Variants in SLC24A2 observed in about 807,000 individuals in gnomAD.
SLC24A2 encodes the protein sodium/potassium/calcium exchanger 2.
Under a neutral mutation model 62.0 loss-of-function variants are expected in SLC24A2, and 36 were observed. The observed-to-expected ratio is 0.58, with a 90% CI of 0.44 to 0.77. The LOEUF is 0.77. Among genes scored for constraint, SLC24A2 ranks in the 30% least tolerant of loss-of-function variants. The probability of loss-of-function intolerance (pLI) is 0.00; values close to 1 mark genes in which losing one functional copy is unlikely to be tolerated. For missense variants in SLC24A2, 846 were observed against 817.9 expected (o/e 1.03, Z -0.42); for synonymous variants, 358 against 294.0 (o/e 1.22, Z -2.23).
chr9:19,805,442 A>G, the SLC24A2 span, among the ~76,000 whole-genome samples: 1 of 152,194 alleles, frequency 6.6e-6, no homozygotes, highest in African/African-American at 2.4e-5. Context: ...GCAGAGCAAC[A>G]TTACTTCACC....
At chr9:19,998,775 C>T in the SLC24A2 span, among the ~76,000 whole-genome samples, 94 of 152,292 alleles carry the variant, frequency 6.2e-4, 2 homozygotes, top group East Asian at 0.015. Context: ...CTTCTCCCAC[C>T]CCTGGGGGGA....
At chr9:20,163,927 A>C in the SLC24A2 span, among the ~76,000 whole-genome samples, 20 of 152,316 alleles carry the variant, frequency 1.3e-4, no homozygotes, top group East Asian at 3.9e-3. Flanking sequence ...CTGGCTAGCC[A>C]TATGGAGAAA....
chr9:19,523,287 C>A (rs921052076), intron 9 of SLC24A2, among the ~76,000 whole-genome samples: 1 of 152,172 alleles, frequency 6.6e-6, no homozygotes, highest in East Asian at 1.9e-4. Flanking sequence ...GGTACAAATC[C>A]TAGCTTGCCA....
the SLC24A2 span, among the ~76,000 whole-genome samples, chr9:20,198,649 G>T: frequency 1.3e-5 from 2 of 151,658 alleles, no homozygotes; most frequent in African/African-American, 4.8e-5. Flanking sequence ...GGGTCCCCTC[G>T]CATCTCTCTC....
chr9:20,146,400 G>A, the SLC24A2 span, among the ~76,000 whole-genome samples: 2 of 152,112 alleles, frequency 1.3e-5, no homozygotes, highest in South Asian at 2.1e-4. Flanking sequence ...TCTCTTAGGT[G>A]AGAATTTTAA....
chr9:19,547,317 T>A (rs988299565), intron 8 of SLC24A2, among the ~76,000 whole-genome samples: 1 of 152,176 alleles, frequency 6.6e-6, no homozygotes, highest in Non-Finnish European at 1.5e-5. Flanking sequence ...ACCCTGCCCA[T>A]TCTGCAGGTG....
the SLC24A2 span, among the ~76,000 whole-genome samples, chr9:20,185,531 T>A: frequency 1.3e-3 from 192 of 151,422 alleles, 1 homozygote; most frequent in Non-Finnish European, 1.2e-3. Context: ...TGGGCGTGGT[T>A]GTGGGCGCCT....
rs372186886 is a variant in SLC24A2 at position 19,704,353 on chromosome 9, A to G, written c.930+81584T>C. 1.0e-3 allele frequency among the ~76,000 whole-genome samples: 154 copies of G among 152,280 alleles called. 7 individuals are homozygous for G. In the South Asian group the frequency reaches 0.031, roughly 31 times the overall value. ...ATACTATATTGGTAAATTTTAAAAA[A>G]TATGCATACATTCACACATAAGAGA... On this transcript the variant is annotated intron_variant, in intron 2 of 10. Coordinates refer to ENST00000341998, the MANE Select transcript of SLC24A2 (RefSeq NM_020344.4).
chr9:19,550,670 G>T (rs150563582), intron 7 of SLC24A2, among the ~76,000 whole-genome samples: 3 of 150,848 alleles, frequency 2.0e-5, no homozygotes, highest in African/African-American at 7.3e-5. Context: ...AGGCTCCTTG[G>T]GAAGGAGAGC....
At chr9:20,166,206 G>A in the SLC24A2 span, among the ~76,000 whole-genome samples, 24 of 151,750 alleles carry the variant, frequency 1.6e-4, no homozygotes, top group Non-Finnish European at 3.5e-4. Context: ...TTCTATAAAG[G>A]GGAATTTAGC....
At chr9:19,858,513 A>G in the SLC24A2 span, among the ~76,000 whole-genome samples, 2 of 152,248 alleles carry the variant, frequency 1.3e-5, no homozygotes, top group Admixed American at 6.5e-5. Context: ...GAACCTAATT[A>G]AAGAGTTTCT....
the SLC24A2 span, among the ~76,000 whole-genome samples, chr9:20,172,042 G>A: frequency 6.6e-6 from 1 of 151,966 alleles, no homozygotes; most frequent in Non-Finnish European, 1.5e-5. Context: ...AATAAACCTG[G>A]AAATGAACTC....
At chr9:19,834,699 C>G in the SLC24A2 span, among the ~76,000 whole-genome samples, 1 of 152,154 alleles carries the variant, frequency 6.6e-6, no homozygotes, top group African/African-American at 2.4e-5. Flanking sequence ...GGCAGGCCAA[C>G]ATTCACATTC....
the SLC24A2 span, among the ~76,000 whole-genome samples, chr9:19,924,180 C>G: frequency 6.6e-6 from 1 of 152,174 alleles, no homozygotes; most frequent in African/African-American, 2.4e-5. Context: ...TTGGTTCAGG[C>G]AATGGGTGTT....
the SLC24A2 span, among the ~76,000 whole-genome samples, chr9:19,940,267 G>A: frequency 2.0e-5 from 3 of 152,144 alleles, no homozygotes; most frequent in African/African-American, 7.2e-5. Flanking sequence ...ATCCAAACAG[G>A]GGAACAGAAG....
chr9:19,583,092 A>C (rs1331045378), intron 5 of SLC24A2, among the ~76,000 whole-genome samples: 1 of 152,144 alleles, frequency 6.6e-6, no homozygotes, highest in Admixed American at 6.6e-5. Context: ...CCCTAGGTCA[A>C]AGTGAAAGCC....
chr9:19,754,464 T>C (rs963498098), intron 2 of SLC24A2, among the ~76,000 whole-genome samples: 2 of 152,184 alleles, frequency 1.3e-5, no homozygotes, highest in Non-Finnish European at 2.9e-5. Flanking sequence ...TCTATTCCAC[T>C]TTCCTTCTAG....
chr9:20,189,299 G>A, the SLC24A2 span, among the ~76,000 whole-genome samples: 1 of 152,072 alleles, frequency 6.6e-6, no homozygotes, highest in Admixed American at 6.6e-5. Context: ...AGTTTCCAGA[G>A]AACAACAATG....
chr9:20,270,144 T>C, the SLC24A2 span, among the ~76,000 whole-genome samples: 1 of 152,122 alleles, frequency 6.6e-6, no homozygotes, highest in South Asian at 2.1e-4. Context: ...AGCGAGCTCA[T>C]TCACAACCAC....
Sources: allele counts gnomAD v4.1 joint callset (sites outside exome capture counted in the v4.1 genomes callset), GRCh38; gene constraint gnomAD v4.1.1; transcripts MANE v1.5; gene names NCBI Gene and HGNC (gene_info 2026-07-23, HGNC 2026-07-21).